HEG1: variants seen among roughly 807,000 people sequenced by gnomAD.
HEG1 encodes the protein protein HEG homolog 1.
In HEG1, 56 loss-of-function variants were observed where a neutral mutation model predicts 125.6. The ratio of observed to expected loss-of-function variants is 0.45; its 90% CI spans 0.36 to 0.56. The LOEUF (loss-of-function observed/expected upper bound fraction) is 0.56, where lower values mean the gene tolerates loss of function less well. Ranked by LOEUF, HEG1 falls within the 20% of genes least tolerant of loss-of-function variation. The pLI, the probability that HEG1 is intolerant of heterozygous loss-of-function variation, is 0.00. For synonymous variants in HEG1, 644 were observed against 668.5 expected, an observed-to-expected ratio of 0.96 and a Z score of 0.57; for missense variants, 1,523 against 1,670.0, an observed-to-expected ratio of 0.91 and a Z score of 1.53.
intron 9 of HEG1, among the ~76,000 whole-genome samples, chr3:125,003,809 G>A (rs1579411041): frequency 6.6e-6 from 1 of 152,200 alleles, no homozygotes; most frequent in Non-Finnish European, 1.5e-5. Flanking sequence ...ACAGCTGGAA[G>A]CTCTGCCTTT....
intron 5 of HEG1, among the ~76,000 whole-genome samples, chr3:125,015,884 T>C (rs116016239): frequency 5.3e-4 from 81 of 152,286 alleles, no homozygotes; most frequent in African/African-American, 1.9e-3. Context: ...ATGGCCATGC[T>C]TTGATGGAAA....
chr3:125,007,133 A>G (rs192930301), intron 8 of HEG1, among the ~76,000 whole-genome samples: 11,923 of 143,376 alleles, frequency 0.083, 666 homozygotes, highest in African/African-American at 0.16. Flanking sequence ...CGGGAGGCGG[A>G]GCTTGCAGTG....
Position 124,997,753 on chromosome 3 carries a change from G to A in HEG1, c.3588C>T (p.Gly1196=), listed in dbSNP as rs773685486. Residue 1196 remains glycine (G), a synonymous_variant, in exon 12 of 17, where the codon GGC becomes GGT. Transcript: ENST00000311127. ...CCGACTTGCACTGGCACAGGGCAAC[G>A]CCGTCCAGGTCAGTGCAGATGGAGG... ...KDTSICTDLD[G]VALCQCKSGY... is the part of the protein sequence containing the mutation. The A allele has an allele frequency of 1.8e-5, 28 of 1,598,480 alleles. No homozygotes were observed. Among genetic ancestry groups the A allele is most frequent in the East Asian group, 6.8e-5 (3 of 44,384 alleles).
chr3:125,031,182 C>G (rs574396216), intron 1 of HEG1, among the ~76,000 whole-genome samples: 5 of 152,120 alleles, frequency 3.3e-5, no homozygotes, highest in South Asian at 4.1e-4. Flanking sequence ...GCCCAAGTCA[C>G]GTCCAAGAAA....
rs76429648 is a variant in HEG1 at position 124,982,390 on chromosome 3, C to T, written c.3734-4444G>A. 5.0e-3 allele frequency among the ~76,000 whole-genome samples: 757 copies of T among 152,304 alleles called. 7 individuals carry two copies. Among genetic ancestry groups the T allele is most frequent in the African/African-American group, 0.018 (735 of 41,566 alleles). ...AAGTGCCAACTGAAGTGTTTCCTAG[C>T]TTTAGAGGTGCTCTGAATATTTAGG... On this transcript the variant is annotated intron_variant, in intron 14 of 16. Coordinates refer to ENST00000311127, the MANE Select transcript of HEG1 (RefSeq NM_020733.2).
rs191939242 is a variant in HEG1 at position 125,022,417 on chromosome 3, G to A, written c.914-1287C>T. ...ACAGCGAGAGAGAGAGAGAGAGAGA[G>A]AGAGAGAGCATGCATGGGAAACAAA... On this transcript the variant is annotated intron_variant, in intron 3 of 16. Coordinates refer to ENST00000311127, the MANE Select transcript of HEG1 (RefSeq NM_020733.2). Among the ~76,000 whole-genome samples, 561 of 151,580 alleles carry A rather than the reference G, an allele frequency of 3.7e-3. 1 individual carries two copies. The highest frequency in any genetic ancestry group is 6.6e-3 in the Non-Finnish European group (448 of 67,894).
At chr3:125,016,128 T>C (rs755979696) in intron 5 of HEG1, among the ~76,000 whole-genome samples, 1 of 152,258 alleles carries the variant, frequency 6.6e-6, no homozygotes, top group East Asian at 1.9e-4. Context: ...GATGGGGAGA[T>C]CCTAAACTCT....
In HEG1 at chr3:124,969,736, G is replaced by C; in HGVS notation, c.*916C>G. 6.6e-6 allele frequency: 1 copy of C among 152,202 alleles called. No individual in the cohort carries two copies. The highest frequency in any genetic ancestry group is 1.9e-4 in the East Asian group (1 of 5,196). 9.4% of individuals were successfully genotyped at this position (152,202 alleles called of 1,614,324 possible). On this transcript the variant is annotated 3_prime_UTR_variant, in exon 17 of 17. Coordinates refer to ENST00000311127, the MANE Select transcript of HEG1 (RefSeq NM_020733.2). The stretch of plus-strand genomic sequence containing the variant: ...CTGCTTTCCTAGAGTGGTGAAACCT[G>C]CGTTCAGTTTGACATTTCTCCTCCA...
At chr3:124,997,560 A>C (rs1477679411) in intron 12 of HEG1, 129 bp downstream of exon 12, 1 of 831,552 alleles carries the variant, frequency 1.2e-6, no homozygotes, top group African/African-American at 1.7e-5. Context: ...GCAAAATAAC[A>C]AGAACCAGTT....
chr3:124,974,895 T>C (rs2107686186), intron 15 of HEG1, among the ~76,000 whole-genome samples: 1 of 152,308 alleles, frequency 6.6e-6, no homozygotes, highest in South Asian at 2.1e-4. Flanking sequence ...GTGGGGTACC[T>C]GGGCTCAGAC....
intron 14 of HEG1, among the ~76,000 whole-genome samples, chr3:124,984,269 C>T (rs1005747711): frequency 6.6e-6 from 1 of 152,138 alleles, no homozygotes; most frequent in Non-Finnish European, 1.5e-5. Flanking sequence ...GACTCTCACT[C>T]CCTGCTGGCT....
chr3:125,019,329 A>G lies in HEG1; in HGVS notation c.1521T>C (p.Tyr507=), dbSNP rs376433949. ...GSHTALGDRS[Y]SESSSTSSSE... is the part of the protein sequence containing the mutation. ...AGGAAGATGTAGATGAAGACTCTGAATAACTCCTATCTCCCAATGCTGTGT... is the reference window on the plus strand; with the variant it reads ...AGGAAGATGTAGATGAAGACTCTGAGTAACTCCTATCTCCCAATGCTGTGT... The change falls in exon 5 of 17, where the codon TAT becomes TAC. Residue 507 remains tyrosine, a synonymous_variant. Coordinates refer to ENST00000311127, the MANE Select transcript of HEG1 (RefSeq NM_020733.2). 2.7e-5 allele frequency: 44 copies of G among 1,613,858 alleles called. No homozygotes were observed. Among genetic ancestry groups the G allele is most frequent in the Non-Finnish European group, 3.5e-5 (41 of 1,179,840 alleles).
In HEG1 at chr3:124,991,163, T is replaced by C. The variant is rs76523041; in HGVS notation, c.3653-177A>G. ...GCCGGCACAACTCTTTTTTTTTTTTTTTCTGAGATAGAGTCTCGCTCTGTC... is the reference window on the plus strand; with the variant it reads ...GCCGGCACAACTCTTTTTTTTTTTTCTTCTGAGATAGAGTCTCGCTCTGTC... On this transcript the variant is annotated intron_variant, in intron 12 of 16. Transcript: ENST00000311127. 2.5e-4 allele frequency among the ~76,000 whole-genome samples: 37 copies of C among 150,638 alleles called. 1 individual carries two copies. The highest frequency in any genetic ancestry group is 5.9e-4 in the East Asian group (3 of 5,114).
At chr3:124,997,975 C>G (rs1316738857) in intron 11 of HEG1, among the ~76,000 whole-genome samples, 152 bp from the exon 12 acceptor site, 1 of 152,252 alleles carries the variant, frequency 6.6e-6, no homozygotes, top group Non-Finnish European at 1.5e-5. Context: ...CAGAGCAACA[C>G]TCCTCTCAGG....
rs1249223538 is a variant in HEG1 at position 124,970,411 on chromosome 3, C to T, written c.*241G>A. ...GCCATGGTGCAGTCACTCAGAGAGA[C>T]TCTCTTGATACTGGCCCACATTCAC... On this transcript the variant is annotated 3_prime_UTR_variant, in exon 17 of 17. Transcript: ENST00000311127. 2.1e-6 allele frequency: 1 copy of T among 480,688 alleles called. No homozygotes were observed. Among genetic ancestry groups the T allele is most frequent in the Non-Finnish European group, 3.7e-6 (1 of 267,868 alleles). 29.8% of individuals were successfully genotyped at this position (480,688 alleles called of 1,614,324 possible). A position where few individuals can be genotyped will look rare whatever the true frequency, so the allele number is the denominator to read the frequency against.
Position 125,027,372 on chromosome 3 carries a change from T to C in HEG1, c.746A>G (p.His249Arg). ...AMGLSEEWTV[H>R]SQEATTSAWS... ...AGCCGAAGTGGTGGCCTCTTGGCTGTGCACAGTCCATTCTTCTGACAGCCC... is the reference window on the plus strand; with the variant it reads ...AGCCGAAGTGGTGGCCTCTTGGCTGCGCACAGTCCATTCTTCTGACAGCCC... Residue 249 changes from histidine (H) to arginine (R), a missense_variant, in exon 3 of 17, where the codon CAC becomes CGC. Transcript: ENST00000311127. The C allele has an allele frequency of 1.2e-6, 2 of 1,614,036 alleles. No homozygotes were observed. Among genetic ancestry groups the C allele is most frequent in the Non-Finnish European group, 1.7e-6 (2 of 1,179,888 alleles).
chr3:125,015,353 G>A (rs2084815298), intron 5 of HEG1, among the ~76,000 whole-genome samples: 1 of 152,226 alleles, frequency 6.6e-6, no homozygotes, highest in Non-Finnish European at 1.5e-5. Flanking sequence ...GTTGGTGAAA[G>A]ACTAATAATC....
At chr3:125,039,846 A>AAC (rs1452459643) in intron 1 of HEG1, among the ~76,000 whole-genome samples, 1 of 150,288 alleles carries the variant, frequency 6.7e-6, no homozygotes, top group Non-Finnish European at 1.5e-5. Flanking sequence ...AAAAAAAAAA[A>AAC]AAACAACAAA....
rs1294816348 is a variant in HEG1, at chr3:124,968,893, C to T, written c.*1759G>A. On this transcript the variant is annotated 3_prime_UTR_variant, in exon 17 of 17. Coordinates refer to ENST00000311127, the MANE Select transcript of HEG1 (RefSeq NM_020733.2). ...AGCCTCCACTGATAAAAACAGTTCTCCTTTTATTTATCTCATGGATAAGTG... is the reference window on the plus strand; with the variant it reads ...AGCCTCCACTGATAAAAACAGTTCTTCTTTTATTTATCTCATGGATAAGTG... 1 of 152,206 alleles carries T rather than the reference C, an allele frequency of 6.6e-6. No individual in the cohort carries two copies. The highest frequency in any genetic ancestry group is 1.5e-5 in the Non-Finnish European group (1 of 68,028). The allele number at this position is 152,206 out of a possible 1,614,324, so 9.4% of individuals were successfully genotyped here. A position where few individuals can be genotyped will look rare whatever the true frequency, so the allele number is the denominator to read the frequency against.
Sources: allele counts gnomAD v4.1 joint callset (sites outside exome capture counted in the v4.1 genomes callset), GRCh38; gene constraint gnomAD v4.1.1; transcripts MANE v1.5; gene names NCBI Gene and HGNC (gene_info 2026-07-23, HGNC 2026-07-21).